KIAA1217: variants seen among roughly 807,000 people sequenced by gnomAD.
KIAA1217 encodes the protein sickle tail protein homolog.
Under a neutral mutation model 163.9 loss-of-function variants are expected in KIAA1217, and 88 were observed. The ratio of observed to expected loss-of-function variants is 0.54; its 90% CI spans 0.45 to 0.64. KIAA1217 has a LOEUF of 0.64. Among genes scored for constraint, KIAA1217 ranks in the 30% least tolerant of loss-of-function variants. The pLI is 0.00. For synonymous variants in KIAA1217, 903 were observed against 923.1 expected, an observed-to-expected ratio of 0.98 and a Z score of 0.39; for missense variants, 2,372 against 2,475.0, an observed-to-expected ratio of 0.96 and a Z score of 0.88.
chr10:24,141,229 C>A (rs12264244), intron 2 of KIAA1217, among the ~76,000 whole-genome samples: 1,922 of 120,838 alleles, frequency 0.016, 165 homozygotes, highest in African/African-American at 0.056. Context: ...GAATAAACCC[C>A]CCCCCCCCAT....
intron 2 of KIAA1217, among the ~76,000 whole-genome samples, chr10:24,019,568 A>G (rs1210138375): frequency 3.3e-5 from 5 of 152,142 alleles, no homozygotes; most frequent in Non-Finnish European, 7.4e-5. Context: ...GTGAAAGATC[A>G]GATGGTAAAT....
At chr10:23,818,490 A>C (rs1405308760) in intron 1 of KIAA1217, among the ~76,000 whole-genome samples, 1 of 151,758 alleles carries the variant, frequency 6.6e-6, no homozygotes, top group Admixed American at 6.6e-5. Context: ...CATATTTTCC[A>C]GATTCCCTGT....
chr10:24,508,302 T>C (rs2068633209), intron 9 of KIAA1217, among the ~76,000 whole-genome samples: 1 of 152,166 alleles, frequency 6.6e-6, no homozygotes, highest in Non-Finnish European at 1.5e-5. Context: ...AAATTTAGCA[T>C]CAATGATAAA....
At chr10:24,515,152 C>T (rs2069870293) in intron 10 of KIAA1217, among the ~76,000 whole-genome samples, 1 of 151,926 alleles carries the variant, frequency 6.6e-6, no homozygotes, top group Non-Finnish European at 1.5e-5. Context: ...CTGCAACCTC[C>T]AACTCCTGGG....
Position 24,543,472 on chromosome 10 carries a change from A to G in KIAA1217, c.4202A>G (p.His1401Arg), listed in dbSNP as rs1445643491. The part of the protein sequence containing the change: ...TVQVLSSGEV[H>R]DIVSQKGEDI... ...CAGGTTCTTTCCAGTGGGGAGGTGC[A>G]TGATATTGTTAGCCAAAAGGGAGAA... The change falls in exon 19 of 21, where the codon CAT becomes CGT. Residue 1401 changes from histidine to arginine, a missense_variant. By Grantham distance (29) the His-to-Arg change is conservative. Transcript: ENST00000376454. 2.5e-6 allele frequency: 4 copies of G among 1,614,054 alleles called. No individual in the cohort carries two copies. Among genetic ancestry groups the G allele is most frequent in the African/African-American group, 1.3e-5 (1 of 74,920 alleles).
chr10:23,702,671 AC>A (rs1836540304), intron 1 of KIAA1217, among the ~76,000 whole-genome samples: 1 of 133,016 alleles, frequency 7.5e-6, no homozygotes, highest in African/African-American at 3.3e-5. Context: ...GAGAATACAC[AC>A]ACACACACAC....
Position 23,884,050 on chromosome 10 carries a change from A to G in KIAA1217, c.-320-123175A>G, listed in dbSNP as rs116670525. Among the ~76,000 whole-genome samples, 607 of 152,094 alleles carry G rather than the reference A, an allele frequency of 4.0e-3. 1 individual carries two copies. The highest frequency in any genetic ancestry group is 0.014 in the African/African-American group (579 of 41,562). ...TTGTTTCCAAGTTTTGGCAATTATA[A>G]ATAAGGCTATTAGACACGTCTGTGT... On this transcript the variant is annotated intron_variant, in intron 1 of 18. Transcript: ENST00000376462.
intron 2 of KIAA1217, among the ~76,000 whole-genome samples, chr10:24,338,709 A>T (rs428364): frequency 0.6 from 91,400 of 152,070 alleles, 29,601 homozygotes; most frequent in African/African-American, 0.85. Flanking sequence ...CTAGAAGCAA[A>T]ACATGTTCCT....
chr10:24,156,448 A>G (rs1312202856), intron 2 of KIAA1217, among the ~76,000 whole-genome samples: 3 of 152,194 alleles, frequency 2.0e-5, no homozygotes, highest in African/African-American at 7.2e-5. Context: ...GAGTTTCTAT[A>G]TAGAGATAGA....
chr10:23,893,137 G>A (rs1001593686), intron 1 of KIAA1217, among the ~76,000 whole-genome samples: 4 of 151,990 alleles, frequency 2.6e-5, no homozygotes, highest in African/African-American at 9.7e-5. Flanking sequence ...CTATTTGGTT[G>A]GTAAGCTATT....
At chr10:24,024,056 A>G (rs919721560) in intron 2 of KIAA1217, among the ~76,000 whole-genome samples, 1 of 151,634 alleles carries the variant, frequency 6.6e-6, no homozygotes, top group Non-Finnish European at 1.5e-5. Flanking sequence ...AGGTGTATAC[A>G]TGTGTAAAAA....
rs116792620 is a variant in KIAA1217, at chr10:24,255,953, G to A, written c.354+36044G>A. 9.9e-3 allele frequency among the ~76,000 whole-genome samples: 1,500 copies of A among 150,804 alleles called. 19 individuals carry two copies. The highest frequency in any genetic ancestry group is 0.034 in the African/African-American group (1,400 of 40,976). ...TGTAATCAGTTCATCTTACCTTGCC[G>A]GGCTCTGAAAGAATGAGTGTGTGGG... On this transcript the variant is annotated intron_variant, in intron 2 of 20. Transcript: ENST00000376454.
chr10:23,878,792 G>A (rs968767036), intron 1 of KIAA1217, among the ~76,000 whole-genome samples: 1 of 151,870 alleles, frequency 6.6e-6, no homozygotes, highest in Non-Finnish European at 1.5e-5. Flanking sequence ...GTGTTGAGCA[G>A]TGACAGGTTC....
At chr10:24,251,239 TA>T (rs1410235204) in intron 2 of KIAA1217, among the ~76,000 whole-genome samples, 1 of 151,228 alleles carries the variant, frequency 6.6e-6, no homozygotes, top group African/African-American at 2.4e-5. Flanking sequence ...AAAATTAAAT[TA>T]AAATTAAAAT....
intron 2 of KIAA1217, among the ~76,000 whole-genome samples, chr10:24,120,562 C>A (rs1036681094): frequency 1.3e-5 from 2 of 152,122 alleles, no homozygotes; most frequent in African/African-American, 4.8e-5. Context: ...CTTGGCACGC[C>A]ACCTTTACAA....
Position 24,452,517 on chromosome 10 carries a change from CAA to C in KIAA1217, c.846+14052_846+14053del, listed in dbSNP as rs879925996. ...TGAAACCCCGTCTCTACTTAAAATACAAAAAAAAAAAAAAATTAGCTGGGCGT... is the reference window on the plus strand; with the variant it reads ...TGAAACCCCGTCTCTACTTAAAATACAAAAAAAAAAAAATTAGCTGGGCGT... On this transcript the variant is annotated intron_variant, in intron 5 of 20. Coordinates refer to ENST00000376454, the MANE Select transcript of KIAA1217 (RefSeq NM_019590.5). Among the ~76,000 whole-genome samples the C allele has an allele frequency of 3.4e-3, 423 of 123,580 alleles. 2 individuals are homozygous for C. The highest frequency in any genetic ancestry group is 0.011 in the African/African-American group (394 of 34,674). The allele number at this position is 123,580 out of a possible 152,430, so 81.1% of individuals were successfully genotyped here.
At chr10:24,374,972 A>T (rs2052266136) in intron 2 of KIAA1217, among the ~76,000 whole-genome samples, 1 of 152,046 alleles carries the variant, frequency 6.6e-6, no homozygotes, top group Non-Finnish European at 1.5e-5. Context: ...TTTTGTAGAG[A>T]CAGAGTCTCA....
intron 1 of KIAA1217, among the ~76,000 whole-genome samples, chr10:23,842,696 A>G (rs1028940274): frequency 2.0e-5 from 3 of 152,092 alleles, no homozygotes; most frequent in Non-Finnish European, 4.4e-5. Context: ...ACATGATGAC[A>G]TAAGTGAGTT....
At chr10:24,436,086 C>T (rs1057396384) in intron 4 of KIAA1217, among the ~76,000 whole-genome samples, 26 of 152,104 alleles carry the variant, frequency 1.7e-4, no homozygotes, top group Non-Finnish European at 1.9e-4. Flanking sequence ...GTCTCGAACT[C>T]CTGACCTCAA....
Sources: allele counts gnomAD v4.1 joint callset (sites outside exome capture counted in the v4.1 genomes callset), GRCh38; gene constraint gnomAD v4.1.1; transcripts MANE v1.5; gene names NCBI Gene and HGNC (gene_info 2026-07-23, HGNC 2026-07-21).